The following DDAH1 variants were observed in gnomAD, a reference collection of about 807,000 sequenced individuals.
DDAH1 encodes N(G),N(G)-dimethylarginine dimethylaminohydrolase 1.
A neutral mutation model predicts 28.8 loss-of-function variants in DDAH1; 19 were observed. The observed-to-expected ratio is 0.66, with a 90% CI of 0.46 to 0.97. The LOEUF (loss-of-function observed/expected upper bound fraction) is 0.97, where lower values mean the gene tolerates loss of function less well. Ranked by LOEUF, DDAH1 falls within the 50% of genes least tolerant of loss-of-function variation. The pLI is 0.00. For missense variants in DDAH1, 326 were observed against 375.9 expected (o/e 0.87, Z 1.10); for synonymous variants, 153 against 154.4 (o/e 0.99, Z 0.07).
At chr1:85,386,915 T>A (rs934998597) in intron 1 of DDAH1, among the ~76,000 whole-genome samples, 1 of 152,200 alleles carries the variant, frequency 6.6e-6, no homozygotes. Flanking sequence ...CAAGGCTTAT[T>A]AAGGCTTATA....
At chr1:85,564,999 A>T (rs112214714) in intron 1 of DDAH1, among the ~76,000 whole-genome samples, 182 of 152,284 alleles carry the variant, frequency 1.2e-3, no homozygotes, top group Middle Eastern at 3.4e-3. Flanking sequence ...GTTTGAGACC[A>T]GCCTGGCCAA....
intron 4 of DDAH1, among the ~76,000 whole-genome samples, chr1:85,333,133 C>G (rs1647885085): frequency 6.6e-6 from 1 of 152,216 alleles, no homozygotes; most frequent in Admixed American, 6.5e-5. Flanking sequence ...GACTGGCCCA[C>G]CTGGCGTCCT....
At chr1:85,428,009 T>C (rs957681217) in intron 1 of DDAH1, among the ~76,000 whole-genome samples, 2 of 152,174 alleles carry the variant, frequency 1.3e-5, no homozygotes, top group African/African-American at 4.8e-5. Context: ...CCAGTCTTAT[T>C]GGTTATAGAA....
intron 4 of DDAH1, among the ~76,000 whole-genome samples, chr1:85,337,880 TGAAGA>T (rs1648239293): frequency 2.0e-5 from 3 of 152,240 alleles, no homozygotes; most frequent in Admixed American, 1.3e-4. Context: ...CTGCCTTCAA[TGAAGA>T]GAAAAGAGCT....
At chr1:85,324,617 CTTTCT>C in intron 5 of DDAH1, 118 bp downstream of exon 5, 1 of 1,124,010 alleles carries the variant, frequency 8.9e-7, no homozygotes, top group Non-Finnish European at 1.3e-6. Flanking sequence ...TTGTATTATC[CTTTCT>C]TTTCTTAATT....
At position 85,464,695 on chromosome 1, in the gene DDAH1, G is replaced by A. The variant is rs535664001; in HGVS notation, c.303+48C>T. The A allele has an allele frequency of 2.8e-5, 40 of 1,433,596 alleles. 3 individuals carry two copies. In the South Asian group the frequency reaches 5.3e-4, roughly 19 times the overall value. The allele number at this position is 1,433,596 out of a possible 1,614,324, so 88.8% of individuals were successfully genotyped here. On this transcript the variant is annotated intron_variant, in intron 1 of 5. Transcript: ENST00000284031. This position sits in a 1 kb window ranked among gnomAD's most constrained non-coding sequence, Gnocchi z 4.4. ...AGGCAACACGGCGGCCGGCGGCGGG[G>A]GAGGGCCTGGCGCGCGCCCCGGCCG...
At chr1:85,476,345 A>G (rs1432919380) in intron 2 of DDAH1, among the ~76,000 whole-genome samples, 1 of 152,206 alleles carries the variant, frequency 6.6e-6, no homozygotes, top group African/African-American at 2.4e-5. Flanking sequence ...TGTTTGGACC[A>G]TGATTTGTGG....
intron 1 of DDAH1, among the ~76,000 whole-genome samples, chr1:85,542,786 A>T (rs1658509024): frequency 6.6e-6 from 1 of 152,194 alleles, no homozygotes. Flanking sequence ...ATTGGCCCAT[A>T]ATGTCAAAGA....
intron 1 of DDAH1, among the ~76,000 whole-genome samples, chr1:85,387,926 G>A (rs2100548015): frequency 6.6e-6 from 1 of 152,290 alleles, no homozygotes; most frequent in Middle Eastern, 3.4e-3. Context: ...GTCATTGTGT[G>A]CAGACATCAC....
intron 4 of DDAH1, among the ~76,000 whole-genome samples, chr1:85,341,541 C>T (rs555466240): frequency 5.9e-5 from 9 of 152,256 alleles, no homozygotes; most frequent in South Asian, 4.1e-4. Flanking sequence ...TCCGGCTGGG[C>T]GAGGTGGCTC....
At chr1:85,476,090 G>A (rs1482072238) in intron 2 of DDAH1, among the ~76,000 whole-genome samples, 2 of 152,122 alleles carry the variant, frequency 1.3e-5, no homozygotes, top group African/African-American at 4.8e-5. Flanking sequence ...TCAAACTCGT[G>A]AACTCAAGTG....
intron 5 of DDAH1, 113 bp from the exon 6 acceptor site, chr1:85,321,681 G>T: frequency 1.2e-6 from 1 of 835,080 alleles, no homozygotes; most frequent in Non-Finnish European, 2.0e-6. Flanking sequence ...TTAATCCCAA[G>T]ACACACAGGC....
chr1:85,401,386 C>T (rs1652094534), intron 1 of DDAH1, among the ~76,000 whole-genome samples: 1 of 151,664 alleles, frequency 6.6e-6, no homozygotes, highest in African/African-American at 2.4e-5. Context: ...CTAAATAGCA[C>T]ATAAAGAAGA....
intron 1 of DDAH1, among the ~76,000 whole-genome samples, chr1:85,406,245 G>C (rs1652397602): frequency 6.6e-6 from 1 of 152,196 alleles, no homozygotes; most frequent in Non-Finnish European, 1.5e-5. Context: ...AGTCCTCATA[G>C]AGATTTATGA....
intron 2 of DDAH1, among the ~76,000 whole-genome samples, chr1:85,472,969 T>G (rs1448287709): frequency 2.0e-5 from 3 of 152,226 alleles, no homozygotes; most frequent in African/African-American, 7.2e-5. Context: ...AGAACAGTAT[T>G]GCAGTATTTG....
intron 1 of DDAH1, among the ~76,000 whole-genome samples, chr1:85,504,168 G>C (rs1656925856): frequency 6.6e-6 from 1 of 152,178 alleles, no homozygotes; most frequent in African/African-American, 2.4e-5. Context: ...ACCTAAGTAA[G>C]AGATGATGGC....
upstream of DDAH1, among the ~76,000 whole-genome samples, chr1:85,469,772 C>T (rs1655555008): frequency 6.6e-6 from 1 of 152,134 alleles, no homozygotes; most frequent in Non-Finnish European, 1.5e-5. Flanking sequence ...TGCCATATGC[C>T]AGGTATTGTG....
intron 1 of DDAH1, among the ~76,000 whole-genome samples, chr1:85,365,603 G>A (rs1347668990): frequency 6.6e-6 from 1 of 152,140 alleles, no homozygotes; most frequent in African/African-American, 2.4e-5. Context: ...CAAAGCATAT[G>A]GATATGCAGA....
At chr1:85,353,723 TAAGA>T (rs1411491803) in intron 2 of DDAH1, among the ~76,000 whole-genome samples, 4 of 152,160 alleles carry the variant, frequency 2.6e-5, no homozygotes, top group African/African-American at 9.6e-5. Flanking sequence ...TTATAACTTT[TAAGA>T]AAATCTTTTA....
Sources: allele counts gnomAD v4.1 joint callset (sites outside exome capture counted in the v4.1 genomes callset), GRCh38; gene constraint gnomAD v4.1.1; non-coding constraint Gnocchi (gnomAD v3.1); transcripts MANE v1.5; gene names NCBI Gene and HGNC (gene_info 2026-07-23, HGNC 2026-07-21).